The following GNL3L variants were observed in gnomAD, a reference collection of about 807,000 sequenced individuals.
The protein encoded by GNL3L is guanine nucleotide-binding protein-like 3-like protein.
A neutral mutation model predicts 42.9 loss-of-function variants in GNL3L; 4 were observed. The observed-to-expected ratio is 0.09, with a 90% CI of 0.05 to 0.21. The LOEUF (loss-of-function observed/expected upper bound fraction) is 0.21, where lower values mean the gene tolerates loss of function less well. Among genes scored for constraint, GNL3L ranks in the 10% least tolerant of loss-of-function variants. The probability of loss-of-function intolerance (pLI) is 1.00; values close to 1 mark genes in which losing one functional copy is unlikely to be tolerated. For missense variants in GNL3L, 412 were observed against 481.7 expected, an observed-to-expected ratio of 0.86 and a Z score of 1.36; for synonymous variants, 159 against 176.3, an observed-to-expected ratio of 0.90 and a Z score of 0.78.
In GNL3L at chrX:54,560,576, A is replaced by G; in HGVS notation, c.1723A>G (p.Asn575Asp). Residue 575 changes from asparagine (N) to aspartate (D), a missense_variant, in exon 16 of 16, where the codon AAT becomes GAT. Transcript: ENST00000360845. ...GATGTCTGCTCTCGACCTCTCTGGC[A>G]ATGCTGATGATGGTGTTGGTGACTA... ...SMMSALDLSG[N>D]ADDGVGD 8.6e-7 allele frequency: 1 copy of G among 1,162,874 alleles called. No individual in the cohort carries two copies. The highest frequency in any genetic ancestry group is 1.2e-6 in the Non-Finnish European group (1 of 850,968).
At chrX:54,609,798 G>A (rs1368158594) in intron 16 of GNL3L, among the ~76,000 whole-genome samples, 1 of 111,831 alleles carries the variant, frequency 8.9e-6, no homozygotes, top group Non-Finnish European at 1.9e-5. Flanking sequence ...CTCCACAATT[G>A]TTCTTTTTGC....
chrX:54,623,506 G>A (rs772753079), downstream of GNL3L, among the ~76,000 whole-genome samples: 35 of 111,920 alleles, frequency 3.1e-4, no homozygotes, highest in Admixed American at 7.5e-4. Flanking sequence ...CTTGTGATCC[G>A]CCTGCCTCGG....
chrX:54,582,514 TGTC>T (rs1035917731), intron 16 of GNL3L, among the ~76,000 whole-genome samples: 1 of 112,419 alleles, frequency 8.9e-6, no homozygotes, highest in Non-Finnish European at 1.9e-5. Flanking sequence ...CATTTGGTGT[TGTC>T]ATTAGTTTTT....
chrX:54,637,490 C>G, the GNL3L span, among the ~76,000 whole-genome samples: 6 of 111,767 alleles, frequency 5.4e-5, no homozygotes. Flanking sequence ...CACACACACA[C>G]ATATATATCT....
At chrX:54,597,582 A>T (rs1372944716) in intron 16 of GNL3L, among the ~76,000 whole-genome samples, 3 of 110,725 alleles carry the variant, frequency 2.7e-5, no homozygotes, top group African/African-American at 9.9e-5. Flanking sequence ...CCCCCGCCCC[A>T]ATCCCGTGGC....
Position 54,548,398 on chromosome X carries a change from G to A in GNL3L, c.775+25G>A, listed in dbSNP as rs148427770. 987 of 1,159,391 alleles carry A rather than the reference G, an allele frequency of 8.5e-4. 5 individuals carry two copies. In the African/African-American group the frequency reaches 0.015, roughly 18 times the overall value. On this transcript the variant is annotated intron_variant, in intron 9 of 15. Transcript: ENST00000360845. Reference sequence around the variant, plus strand: ...GGTAAGACCTGCTGTGTGGTCATGGGGCTCAGGCTTCTTTCTTGAGCGGAC... The same window carrying A: ...GGTAAGACCTGCTGTGTGGTCATGGAGCTCAGGCTTCTTTCTTGAGCGGAC...
intron 16 of GNL3L, among the ~76,000 whole-genome samples, chrX:54,604,189 G>A (rs1049831723): frequency 9.0e-6 from 1 of 111,666 alleles, no homozygotes; most frequent in Non-Finnish European, 1.9e-5. Flanking sequence ...ACTGTCCCAG[G>A]TAGTAGAATA....
At chrX:54,538,294 T>C (rs1024059280) in intron 2 of GNL3L, among the ~76,000 whole-genome samples, 1 of 111,620 alleles carries the variant, frequency 9.0e-6, no homozygotes, top group Admixed American at 9.6e-5. Context: ...TGTGTGGTAT[T>C]CTCGAGCTGC....
intron 5 of GNL3L, 152 bp downstream of exon 5, chrX:54,541,541 A>T: frequency 8.8e-5 from 22 of 249,453 alleles, no homozygotes; most frequent in East Asian, 2.3e-4. Flanking sequence ...GAAGGGAGGG[A>T]GGGAGGGATA....
intron 16 of GNL3L, among the ~76,000 whole-genome samples, chrX:54,607,707 T>G (rs2147532255): frequency 9.0e-6 from 1 of 111,705 alleles, no homozygotes; most frequent in East Asian, 2.8e-4. Flanking sequence ...CTCCAATAAA[T>G]AAATAAATAA....
At position 54,561,313 on chromosome X, in the gene GNL3L, C is replaced by G. The variant is rs943216035; in HGVS notation, c.*711C>G. Among the ~76,000 whole-genome samples, 2 of 111,793 alleles carry G rather than the reference C, an allele frequency of 1.8e-5. No homozygotes were observed. Among genetic ancestry groups the G allele is most frequent in the African/African-American group, 3.3e-5 (1 of 30,709 alleles). On this transcript the variant is annotated 3_prime_UTR_variant, in exon 16 of 16. Coordinates refer to ENST00000360845, the MANE Select transcript of GNL3L (RefSeq NM_001184819.2). ...GGTCCCTGCGGGAGGGTGATGGTTT[C>G]TTTACCACCCCACAGGAGATTTCAG... is the stretch of plus-strand genomic sequence containing the variant.
At chrX:54,572,873 G>T (rs1174576178) in intron 16 of GNL3L, among the ~76,000 whole-genome samples, 3 of 104,834 alleles carry the variant, frequency 2.9e-5, no homozygotes, top group Non-Finnish European at 6.1e-5. Context: ...AGACGGGGTC[G>T]CAGCCGGGCA....
chrX:54,588,201 T>TA (rs1441658304), intron 16 of GNL3L, among the ~76,000 whole-genome samples: 1 of 111,993 alleles, frequency 8.9e-6, no homozygotes, highest in Admixed American at 9.5e-5. Context: ...ATGTCTCTTA[T>TA]TTCTTTTTCT....
intron 15 of GNL3L, among the ~76,000 whole-genome samples, chrX:54,558,908 C>T (rs1480694035): frequency 6.3e-5 from 7 of 111,849 alleles, no homozygotes; most frequent in Non-Finnish European, 3.8e-5. Context: ...CCACTTGCCT[C>T]GGCCTTCCAA....
downstream of GNL3L, among the ~76,000 whole-genome samples, chrX:54,623,984 G>GAGCTC (rs1926322364): frequency 9.2e-6 from 1 of 109,068 alleles, no homozygotes; most frequent in African/African-American, 3.4e-5. Flanking sequence ...GCAGTGGCGT[G>GAGCTC]AGCTCAGCTC....
chrX:54,557,158 G>A (rs1005629226), intron 14 of GNL3L, among the ~76,000 whole-genome samples: 11 of 108,854 alleles, frequency 1.0e-4, no homozygotes, highest in Non-Finnish European at 2.1e-4. Context: ...CTCCATCCTG[G>A]GCAACAGAGC....
At chrX:54,540,831 A>G (rs926084617) in intron 4 of GNL3L, among the ~76,000 whole-genome samples, 2 of 110,260 alleles carry the variant, frequency 1.8e-5, no homozygotes, top group African/African-American at 6.6e-5. Flanking sequence ...CTAATTTTGT[A>G]TTTTTAGTAG....
the GNL3L span, among the ~76,000 whole-genome samples, chrX:54,633,857 C>T: frequency 8.9e-6 from 1 of 112,864 alleles, no homozygotes; most frequent in Non-Finnish European, 1.9e-5. Context: ...AGAAAGCAAG[C>T]AGGGCTTTCA....
rs1014874843 is a variant in GNL3L, at chrX:54,618,173, C to T, written c.*46-2672C>T. Among the ~76,000 whole-genome samples the T allele has an allele frequency of 1.8e-5, 2 of 111,215 alleles. 1 individual carries two copies. The highest frequency in any genetic ancestry group is 3.8e-5 in the Non-Finnish European group (2 of 53,071). ...ATCTTTCCCTTTTGCTCATTCCTCC[C>T]TCTTGAGCTCTAGACATTTATATTT... On this transcript the variant is annotated intron_variant, in intron 16 of 16. Coordinates refer to the GNL3L transcript ENST00000674498.
Sources: allele counts gnomAD v4.1 joint callset (sites outside exome capture counted in the v4.1 genomes callset), GRCh38; gene constraint gnomAD v4.1.1; transcripts MANE v1.5; gene names NCBI Gene and HGNC (gene_info 2026-07-23, HGNC 2026-07-21).